The following ZNF385B variants were observed in gnomAD, a reference collection of about 807,000 sequenced individuals.
ZNF385B encodes the protein zinc finger protein 385B, also known as zinc finger protein 533.
In ZNF385B, 23 loss-of-function variants were observed where a neutral mutation model predicts 39.2. The observed-to-expected ratio is 0.59, with a 90% CI of 0.42 to 0.83. The LOEUF is 0.83. Among genes scored for constraint, ZNF385B ranks in the 40% least tolerant of loss-of-function variants. The probability of loss-of-function intolerance (pLI) is 0.00; values close to 1 mark genes in which losing one functional copy is unlikely to be tolerated. For synonymous variants in ZNF385B, 205 were observed against 222.6 expected (o/e 0.92, Z 0.70); for missense variants, 552 against 598.9 (o/e 0.92, Z 0.82).
intron 3 of ZNF385B, among the ~76,000 whole-genome samples, chr2:179,630,232 G>A (rs1329418452): frequency 6.6e-6 from 1 of 152,248 alleles, no homozygotes; most frequent in Non-Finnish European, 1.5e-5. Flanking sequence ...CCTGACTCCT[G>A]TGCAGCCTAA....
chr2:179,588,923 G>T (rs1687327077), intron 3 of ZNF385B, among the ~76,000 whole-genome samples: 1 of 152,154 alleles, frequency 6.6e-6, no homozygotes, highest in Admixed American at 6.5e-5. Flanking sequence ...GCCCAGCACT[G>T]TAGAGAGAGC....
At chr2:179,597,894 T>C (rs2106093685) in intron 3 of ZNF385B, among the ~76,000 whole-genome samples, 1 of 152,290 alleles carries the variant, frequency 6.6e-6, no homozygotes, top group East Asian at 1.9e-4. Context: ...AAAAGATTAA[T>C]TCAACTTTCA....
intron 4 of ZNF385B, among the ~76,000 whole-genome samples, chr2:179,537,327 A>T (rs1162603866): frequency 7.3e-5 from 11 of 150,920 alleles, no homozygotes; most frequent in Non-Finnish European, 1.2e-4. Flanking sequence ...TAAATAAAAA[A>T]AAAATAAAAA....
At chr2:179,775,743 A>G (rs1559184196) in intron 1 of ZNF385B, among the ~76,000 whole-genome samples, 1 of 152,178 alleles carries the variant, frequency 6.6e-6, no homozygotes, top group Non-Finnish European at 1.5e-5. Context: ...GGATCTTCGT[A>G]TTATGTGAAG....
intron 3 of ZNF385B, among the ~76,000 whole-genome samples, chr2:179,678,159 G>A (rs1330238616): frequency 2.6e-5 from 4 of 152,112 alleles, no homozygotes; most frequent in African/African-American, 9.7e-5. Context: ...ATTTTCTTGT[G>A]TTGGATATAT....
At chr2:179,773,354 A>G (rs952723366) in intron 1 of ZNF385B, among the ~76,000 whole-genome samples, 2 of 152,086 alleles carry the variant, frequency 1.3e-5, no homozygotes, top group Admixed American at 6.6e-5. Flanking sequence ...TCCACTTCCC[A>G]TTCATTCCTT....
chr2:179,715,449 G>T (rs1700274656), intron 3 of ZNF385B, among the ~76,000 whole-genome samples: 1 of 152,188 alleles, frequency 6.6e-6, no homozygotes, highest in Non-Finnish European at 1.5e-5. Context: ...CATGAGGATT[G>T]TAGGTAACTC....
intron 3 of ZNF385B, among the ~76,000 whole-genome samples, chr2:179,671,550 G>T (rs2106304454): frequency 6.6e-6 from 1 of 152,274 alleles, no homozygotes; most frequent in Non-Finnish European, 1.5e-5. Context: ...TGTCCAAGAT[G>T]CTAAAACAAA....
rs1283668352 is a variant in ZNF385B, at chr2:179,554,500, G to A, written c.299-9531C>T. Among the ~76,000 whole-genome samples, 4 of 148,760 alleles carry A rather than the reference G, an allele frequency of 2.7e-5. 1 individual carries two copies. The highest frequency in any genetic ancestry group is 1.0e-4 in the African/African-American group (4 of 39,308). ...CTTTCAAGGTATTCTTAGGGTTTCT[G>A]GATTAAAAGGTAAAACCGAAAATAG... On this transcript the variant is annotated intron_variant, in intron 3 of 9. Coordinates refer to ENST00000410066, the MANE Select transcript of ZNF385B (RefSeq NM_152520.6).
intron 3 of ZNF385B, among the ~76,000 whole-genome samples, chr2:179,650,828 A>C (rs114161438): frequency 0.043 from 6,491 of 152,308 alleles, 192 homozygotes; most frequent in Middle Eastern, 0.058. Flanking sequence ...ACAGCACAAG[A>C]CTTGGCTGAC....
At chr2:179,851,881 G>T (rs1447305732) in intron 1 of ZNF385B, among the ~76,000 whole-genome samples, 2 of 152,124 alleles carry the variant, frequency 1.3e-5, no homozygotes, top group Admixed American at 6.6e-5. Context: ...GTGATTTCAA[G>T]AATCAAATTT....
At chr2:179,797,358 C>G (rs1705734369) in intron 1 of ZNF385B, among the ~76,000 whole-genome samples, 1 of 152,126 alleles carries the variant, frequency 6.6e-6, no homozygotes, top group African/African-American at 2.4e-5. Flanking sequence ...TAGTATGTCT[C>G]TAAAAGATGT....
At chr2:179,717,792 T>A (rs1490902436) in intron 3 of ZNF385B, among the ~76,000 whole-genome samples, 1 of 152,132 alleles carries the variant, frequency 6.6e-6, no homozygotes, top group Non-Finnish European at 1.5e-5. Context: ...GTTTCCTACC[T>A]CTCATTATAC....
chr2:179,651,798 CAA>C lies in ZNF385B; in HGVS notation c.299-106831_299-106830del, dbSNP rs1254790978. Among the ~76,000 whole-genome samples the C allele has an allele frequency of 3.3e-5, 5 of 152,180 alleles. No individual in the cohort carries two copies. The East Asian group carries it at 9.7e-4, about 29-fold the overall frequency. On this transcript the variant is annotated intron_variant, in intron 3 of 9. Coordinates refer to ENST00000410066, the MANE Select transcript of ZNF385B (RefSeq NM_152520.6). ...CATCTGTATGATGAGCTGGTGTTAA[CAA>C]AGTCAGAGCTAAGGTATGAATCCAG...
chr2:179,507,717 G>A (rs1258538154), intron 5 of ZNF385B, among the ~76,000 whole-genome samples: 1 of 152,122 alleles, frequency 6.6e-6, no homozygotes, highest in African/African-American at 2.4e-5. Context: ...CTAACTCCCT[G>A]TTCAAGTTCA....
intron 3 of ZNF385B, among the ~76,000 whole-genome samples, chr2:179,636,983 C>A (rs942480151): frequency 6.6e-6 from 1 of 152,086 alleles, no homozygotes; most frequent in Non-Finnish European, 1.5e-5. Flanking sequence ...ATATATCTAG[C>A]CACTCTTGGC....
At chr2:179,578,107 A>T (rs919825028) in intron 3 of ZNF385B, among the ~76,000 whole-genome samples, 6 of 152,140 alleles carry the variant, frequency 3.9e-5, no homozygotes, top group African/African-American at 1.4e-4. Flanking sequence ...ACACATTGAT[A>T]GATTCTTTGG....
intron 6 of ZNF385B, among the ~76,000 whole-genome samples, chr2:179,454,408 A>AT (rs1472160267): frequency 6.6e-6 from 1 of 152,228 alleles, no homozygotes; most frequent in Non-Finnish European, 1.5e-5. Context: ...TATGTAAGGT[A>AT]TATAATACTT....
chr2:179,859,690 T>A (rs1212030817), intron 1 of ZNF385B, among the ~76,000 whole-genome samples: 1 of 152,196 alleles, frequency 6.6e-6, no homozygotes, highest in Non-Finnish European at 1.5e-5. Flanking sequence ...ATATTTAATT[T>A]ATGGGAATAT....
Sources: allele counts gnomAD v4.1 joint callset (sites outside exome capture counted in the v4.1 genomes callset), GRCh38; gene constraint gnomAD v4.1.1; transcripts MANE v1.5; gene names NCBI Gene and HGNC (gene_info 2026-07-23, HGNC 2026-07-21).